Variants in THOC7 observed in about 807,000 individuals in gnomAD.
The protein encoded by THOC7 is NIF3L1-binding protein 1.
In THOC7, 22 loss-of-function variants were observed where a neutral mutation model predicts 33.1. The observed-to-expected ratio is 0.66, with a 90% CI of 0.47 to 0.95. The LOEUF (loss-of-function observed/expected upper bound fraction) is 0.95. Ranked by LOEUF, THOC7 falls within the 40% of genes least tolerant of loss-of-function variation. The pLI is 0.00. For missense variants in THOC7, 184 were observed against 245.3 expected, an observed-to-expected ratio of 0.75 and a Z score of 1.67; for synonymous variants, 77 against 76.8, an observed-to-expected ratio of 1.00 and a Z score of -0.01.
chr3:63,855,956 A>G (rs772718609), intron 1 of THOC7, among the ~76,000 whole-genome samples: 1 of 152,244 alleles, frequency 6.6e-6, no homozygotes, highest in Non-Finnish European at 1.5e-5. Context: ...ACAGCAAGAT[A>G]TACCAAAATT....
At chr3:63,848,673 T>C (rs1454275306) in intron 1 of THOC7, 1 of 152,200 alleles carries the variant, frequency 6.6e-6, no homozygotes, top group Non-Finnish European at 1.5e-5. Flanking sequence ...ACAAATTTGA[T>C]GGGTTTGTAA....
chr3:63,856,537 TA>T lies in THOC7; in HGVS notation c.19+7234del, dbSNP rs1027343260. Among the ~76,000 whole-genome samples the T allele has an allele frequency of 3.4e-4, 51 of 152,206 alleles. 1 individual carries two copies. The highest frequency in any genetic ancestry group is 1.0e-3 in the African/African-American group (42 of 41,540). On this transcript the variant is annotated intron_variant, in intron 1 of 7. Transcript: ENST00000295899. ...AAATATACGCACCTACTATATCACT[TA>T]AAAAAAATTTTATGGGTACACAGAA... is the stretch of plus-strand genomic sequence containing the variant.
chr3:63,845,939 AT>A (rs1701884254), intron 1 of THOC7, among the ~76,000 whole-genome samples: 1 of 152,200 alleles, frequency 6.6e-6, no homozygotes, highest in Non-Finnish European at 1.5e-5. Flanking sequence ...AAGACTATTC[AT>A]CTAAGAAGTG....
At chr3:63,858,997 AG>A (rs1702160600) in intron 1 of THOC7, among the ~76,000 whole-genome samples, 4 of 152,250 alleles carry the variant, frequency 2.6e-5, no homozygotes, top group African/African-American at 4.8e-5. Context: ...ATGAAGGGAC[AG>A]TGATACAGGC....
chr3:63,852,561 C>T (rs953774582), intron 1 of THOC7, among the ~76,000 whole-genome samples: 1 of 152,120 alleles, frequency 6.6e-6, no homozygotes, highest in African/African-American at 2.4e-5. Flanking sequence ...GAAGCTGGGG[C>T]ATGAGTGTGT....
At chr3:63,847,475 C>T (rs1483978702) in intron 1 of THOC7, among the ~76,000 whole-genome samples, 3 of 152,312 alleles carry the variant, frequency 2.0e-5, no homozygotes, top group African/African-American at 2.4e-5. Flanking sequence ...CAGTGGCTCA[C>T]GCCTGTAATC....
intron 1 of THOC7, chr3:63,848,227 C>A (rs1248242020): frequency 6.6e-6 from 1 of 152,122 alleles, no homozygotes; most frequent in East Asian, 1.9e-4. Flanking sequence ...AAGAGTCTGG[C>A]ACCTTTTTAA....
chr3:63,839,342 T>C (rs948818353), intron 2 of THOC7, among the ~76,000 whole-genome samples: 3 of 152,240 alleles, frequency 2.0e-5, no homozygotes, highest in Non-Finnish European at 4.4e-5. Context: ...CAGCAGCCTT[T>C]TATTAGCAAA....
chr3:63,841,725 T>C (rs1163040481), intron 1 of THOC7, among the ~76,000 whole-genome samples: 1 of 152,214 alleles, frequency 6.6e-6, no homozygotes, highest in East Asian at 1.9e-4. Flanking sequence ...CCACCAACAT[T>C]ATTATCTGAA....
intron 4 of THOC7, among the ~76,000 whole-genome samples, chr3:63,836,790 CA>C (rs1701642872): frequency 6.6e-6 from 1 of 151,762 alleles, no homozygotes. Flanking sequence ...TCACTCATTC[CA>C]AAAGTTAAGA....
chr3:63,834,471 C>A (rs910277453), intron 7 of THOC7, among the ~76,000 whole-genome samples: 3 of 151,784 alleles, frequency 2.0e-5, no homozygotes, highest in African/African-American at 4.8e-5. Context: ...ACCAGCCTGG[C>A]CTACATGGTA....
chr3:63,847,513 G>A (rs1306844062), intron 1 of THOC7, among the ~76,000 whole-genome samples: 2 of 152,162 alleles, frequency 1.3e-5, no homozygotes, highest in African/African-American at 2.4e-5. Context: ...AGAGGCGAGC[G>A]GATCACTTGA....
intron 1 of THOC7, among the ~76,000 whole-genome samples, chr3:63,844,619 T>C (rs775183263): frequency 1.3e-5 from 2 of 152,208 alleles, no homozygotes; most frequent in Non-Finnish European, 2.9e-5. Flanking sequence ...AACAGGCTTA[T>C]GCAGCTATTG....
intron 1 of THOC7, among the ~76,000 whole-genome samples, chr3:63,856,152 T>C (rs1702112049): frequency 6.6e-6 from 1 of 151,880 alleles, no homozygotes; most frequent in Non-Finnish European, 1.5e-5. Context: ...AAGAATAAGG[T>C]AGATTTATAT....
chr3:63,863,700 G>A, intron 1 of THOC7, 72 bp downstream of exon 1: 1 of 1,242,382 alleles, frequency 8.0e-7, no homozygotes, highest in Non-Finnish European at 1.0e-6. Flanking sequence ...AAGCGGGCCG[G>A]GAGGCCAGGG....
At chr3:63,853,907 C>CA (rs1172783360) in intron 1 of THOC7, among the ~76,000 whole-genome samples, 436 of 71,568 alleles carry the variant, frequency 6.1e-3, no homozygotes, top group Middle Eastern at 0.013. Flanking sequence ...GACTCCGTCT[C>CA]AAAAAAAAAA....
chr3:63,837,901 C>G (rs1160825190), intron 4 of THOC7, 75 bp downstream of exon 4: 1 of 1,355,046 alleles, frequency 7.4e-7, no homozygotes, highest in East Asian at 2.5e-5. Context: ...GATTTTACCT[C>G]ACAACATTAA....
chr3:63,859,342 C>A (rs1433224845), intron 1 of THOC7, among the ~76,000 whole-genome samples: 3 of 152,238 alleles, frequency 2.0e-5, no homozygotes, highest in African/African-American at 7.2e-5. Context: ...CCAAAGCCTG[C>A]AAGGCTCCTC....
chr3:63,854,074 A>G (rs1702067321), intron 1 of THOC7, among the ~76,000 whole-genome samples: 1 of 152,170 alleles, frequency 6.6e-6, no homozygotes, highest in Non-Finnish European at 1.5e-5. Flanking sequence ...TCTGTCTCAA[A>G]TTTACTGGGA....
Sources: gnomAD v4.1 joint callset for allele counts (sites outside exome capture counted in the v4.1 genomes callset) on GRCh38, gnomAD v4.1.1 for gene constraint, MANE v1.5 for transcripts, NCBI Gene and HGNC (gene_info 2026-07-23, HGNC 2026-07-21) for gene names.